TSNAX: variants seen among roughly 807,000 people sequenced by gnomAD.
TSNAX encodes translin associated factor X.
A neutral mutation model predicts 33.0 loss-of-function variants in TSNAX; 12 were observed. The ratio of observed to expected loss-of-function variants is 0.36; its 90% CI spans 0.23 to 0.59. The LOEUF (loss-of-function observed/expected upper bound fraction) is 0.59. Ranked by LOEUF, TSNAX falls within the 20% of genes least tolerant of loss-of-function variation. The pLI, the probability that TSNAX is intolerant of heterozygous loss-of-function variation, is 0.74. For synonymous variants in TSNAX, 110 were observed against 117.2 expected, an observed-to-expected ratio of 0.94 and a Z score of 0.40; for missense variants, 267 against 341.3, an observed-to-expected ratio of 0.78 and a Z score of 1.72.
At position 231,529,320 on chromosome 1, in the gene TSNAX, G is replaced by T. The variant is rs1283831955; in HGVS notation, c.82G>T (p.Asp28Tyr). The T allele has an allele frequency of 6.2e-7, 1 of 1,614,076 alleles. No individual in the cohort carries two copies. Among genetic ancestry groups the T allele is most frequent in the East Asian group, 2.2e-5 (1 of 44,902 alleles). Residue 28 changes from aspartate to tyrosine, a missense_variant, in exon 2 of 6, where the codon GAT becomes TAT. Around this residue, in one of 2 missense-constraint regions of TSNAX, gnomAD observed 200 missense variants for 214.1 expected, o/e 0.93. Transcript: ENST00000366639. ...FPHNQRREGK[D>Y]VNSSSPVMLA... Reference sequence around the variant, plus strand: ...ACATAACCAAAGAAGAGAAGGGAAGGATGTTAATTCATCTTCACCCGTGAT... The same window carrying T: ...ACATAACCAAAGAAGAGAAGGGAAGTATGTTAATTCATCTTCACCCGTGAT...
intron 4 of TSNAX, among the ~76,000 whole-genome samples, chr1:231,558,965 C>T (rs1660863951): frequency 6.6e-6 from 1 of 151,890 alleles, no homozygotes; most frequent in Non-Finnish European, 1.5e-5. Context: ...CTATCAAAAC[C>T]AGGGTCACCC....
chr1:231,540,054 A>T (rs1187078145), intron 3 of TSNAX, among the ~76,000 whole-genome samples: 3 of 151,680 alleles, frequency 2.0e-5, no homozygotes, highest in Non-Finnish European at 2.9e-5. Context: ...GCTTGGTGGC[A>T]TCCCAGCTAC....
chr1:231,566,207 A>G lies in TSNAX; in HGVS notation c.*1302A>G, dbSNP rs916173172. 6 of 152,614 alleles carry G rather than the reference A, an allele frequency of 3.9e-5. No individual in the cohort carries two copies. Among genetic ancestry groups the G allele is most frequent in the African/African-American group, 9.7e-5 (4 of 41,448 alleles). The allele number at this position is 152,614 out of a possible 1,614,324, so 9.5% of individuals were successfully genotyped here. A position where few individuals can be genotyped will look rare whatever the true frequency, so the allele number is the denominator to read the frequency against. ...TTTAGTTGTCCCATGGTGTTAATAA[A>G]GTTGCCAAAGAAGATGTATTATGAA... is the stretch of plus-strand genomic sequence containing the variant. On this transcript the variant is annotated 3_prime_UTR_variant, in exon 6 of 6. Transcript: ENST00000366639.
At chr1:231,542,268 A>G (rs1033896761) in intron 3 of TSNAX, among the ~76,000 whole-genome samples, 2 of 152,144 alleles carry the variant, frequency 1.3e-5, no homozygotes, top group Non-Finnish European at 2.9e-5. Context: ...AATTTTTCTT[A>G]TAGTAAACAT....
chr1:231,558,948 C>G (rs1660862604), intron 4 of TSNAX, among the ~76,000 whole-genome samples: 1 of 152,016 alleles, frequency 6.6e-6, no homozygotes, highest in Non-Finnish European at 1.5e-5. Flanking sequence ...TAAGTTTCCT[C>G]TTAGTGCTAT....
At position 231,528,709 on chromosome 1, in the gene TSNAX, TTC is replaced by T. The variant is rs1490234519; in HGVS notation, c.-100_-99del. The T allele has an allele frequency of 4.2e-6, 6 of 1,429,266 alleles. No individual in the cohort carries two copies. The African/African-American group carries it at 8.5e-5, about 20-fold the overall frequency. 88.5% of individuals were successfully genotyped at this position (1,429,266 alleles called of 1,614,324 possible). A position where few individuals can be genotyped will look rare whatever the true frequency, so the allele number is the denominator to read the frequency against. ...TAGTCGGCCCGGCTGCAAAGCGTTT[TTC>T]TGCAGGCTGTTTTCCCAGGTTCCCT... On this transcript the variant is annotated 5_prime_UTR_variant, in exon 1 of 6. Transcript: ENST00000366639.
chr1:231,536,431 T>C (rs1659177448), intron 2 of TSNAX: 1 of 152,204 alleles, frequency 6.6e-6, no homozygotes, highest in South Asian at 2.1e-4. Context: ...AAAATTAAGA[T>C]ACAATACACA....
In TSNAX at chr1:231,537,253, G is replaced by A; in HGVS notation, c.162G>A (p.Glu54=). 3.7e-6 allele frequency: 6 copies of A among 1,613,644 alleles called. No homozygotes were observed. The highest frequency in any genetic ancestry group is 5.1e-6 in the Non-Finnish European group (6 of 1,179,806). The change falls in exon 3 of 6, where the codon GAG becomes GAA. Residue 54 remains glutamate, a synonymous_variant. Coordinates refer to ENST00000366639, the MANE Select transcript of TSNAX (RefSeq NM_005999.3). ...QELDARHDKY[E]RLVKLSRDIT... is the part of the protein sequence containing the mutation. ...TTGATGCAAGGCATGACAAATATGA[G>A]AGACTTGTGAAACTTAGTCGGGATA... is the stretch of plus-strand genomic sequence containing the variant.
intron 1 of TSNAX, 75 bp downstream of exon 1, chr1:231,528,901 C>G: frequency 6.3e-7 from 1 of 1,588,808 alleles, no homozygotes. Context: ...CAGTTTTCCC[C>G]TTTTCACCCT....
rs1661412969 is a variant in TSNAX at position 231,566,093 on chromosome 1, ATCTAGCATTTAAATTTAAATAATTTAAG to A, written c.*1200_*1227del. On this transcript the variant is annotated 3_prime_UTR_variant, in exon 6 of 6. Transcript: ENST00000366639. ...ATTTTATTAAAATTAAATAATTTAA[ATCTAGCATTTAAATTTAAATAATTTAAG>A]TCTAGCATTTACTTTTAAATAATTA... is the stretch of plus-strand genomic sequence containing the variant. 1 of 152,528 alleles carries A rather than the reference ATCTAGCATTTAAATTTAAATAATTTAAG, an allele frequency of 6.6e-6. No homozygotes were observed. The highest frequency in any genetic ancestry group is 2.1e-4 in the South Asian group (1 of 4,832). The allele number at this position is 152,528 out of a possible 1,614,324, so 9.4% of individuals were successfully genotyped here. A position where few individuals can be genotyped will look rare whatever the true frequency, so the allele number is the denominator to read the frequency against.
At chr1:231,545,901 C>T (rs377757767) in intron 4 of TSNAX, among the ~76,000 whole-genome samples, 18 of 152,252 alleles carry the variant, frequency 1.2e-4, no homozygotes, top group African/African-American at 4.3e-4. Flanking sequence ...ACAAGTTATG[C>T]TCAGGGTCAT....
chr1:231,555,625 TAAAA>T (rs935593518), intron 4 of TSNAX, among the ~76,000 whole-genome samples: 1 of 152,188 alleles, frequency 6.6e-6, no homozygotes, highest in Non-Finnish European at 1.5e-5. Flanking sequence ...TGCTAATTTT[TAAAA>T]AAATCAAACG....
At chr1:231,553,934 C>T (rs1660516904) in intron 4 of TSNAX, among the ~76,000 whole-genome samples, 1 of 152,210 alleles carries the variant, frequency 6.6e-6, no homozygotes, top group Non-Finnish European at 1.5e-5. Context: ...GATCCACCCA[C>T]TTTGGCCTCC....
intron 4 of TSNAX, among the ~76,000 whole-genome samples, chr1:231,549,133 G>A (rs928641219): frequency 4.6e-5 from 7 of 152,128 alleles, no homozygotes; most frequent in Admixed American, 4.6e-4. Context: ...TGGGGAAATG[G>A]TATGGAATTG....
chr1:231,532,275 G>A (rs948152029), intron 2 of TSNAX, among the ~76,000 whole-genome samples: 1 of 150,274 alleles, frequency 6.7e-6, no homozygotes, highest in Non-Finnish European at 1.5e-5. Flanking sequence ...CACTGCAAGC[G>A]TAGCCTCTTG....
chr1:231,535,466 A>G (rs569238331), intron 2 of TSNAX: 1 of 152,260 alleles, frequency 6.6e-6, no homozygotes, highest in African/African-American at 2.4e-5. Flanking sequence ...ATAGTGGTAT[A>G]ATGAAAGCTT....
chr1:231,556,987 A>G (rs953879555), intron 4 of TSNAX, among the ~76,000 whole-genome samples: 2 of 151,880 alleles, frequency 1.3e-5, no homozygotes, highest in Non-Finnish European at 2.9e-5. Flanking sequence ...TGTCGTTAAC[A>G]TATTAAAAAG....
At chr1:231,544,887 T>A (rs961221626) in intron 4 of TSNAX, among the ~76,000 whole-genome samples, 3 of 152,218 alleles carry the variant, frequency 2.0e-5, no homozygotes, top group African/African-American at 7.2e-5. Context: ...ATCTTCAGAT[T>A]TTCCTACTTC....
intron 5 of TSNAX, among the ~76,000 whole-genome samples, chr1:231,562,912 A>G (rs531891017): frequency 6.6e-6 from 1 of 152,304 alleles, no homozygotes; most frequent in South Asian, 2.1e-4. Context: ...AGTGCCACTA[A>G]CTAGCTATCA....
Sources: allele counts gnomAD v4.1 joint callset (sites outside exome capture counted in the v4.1 genomes callset), GRCh38; gene constraint gnomAD v4.1.1; regional missense constraint gnomAD v4.1.1; transcripts MANE v1.5; gene names NCBI Gene and HGNC (gene_info 2026-07-23, HGNC 2026-07-21).